The following LSAMP variants were observed in gnomAD, a reference collection of about 807,000 sequenced individuals.
LSAMP encodes limbic system associated membrane protein, also known as limbic system-associated membrane protein.
Under a neutral mutation model 38.6 loss-of-function variants are expected in LSAMP, and 7 were observed. The observed-to-expected ratio is 0.18, with a 90% CI of 0.10 to 0.34. The LOEUF (loss-of-function observed/expected upper bound fraction) is 0.34. Among genes scored for constraint, LSAMP ranks in the 10% least tolerant of loss-of-function variants. The probability of loss-of-function intolerance (pLI) is 1.00; values close to 1 mark genes in which losing one functional copy is unlikely to be tolerated. For synonymous variants in LSAMP, 154 were observed against 166.8 expected, an observed-to-expected ratio of 0.92 and a Z score of 0.59; for missense variants, 313 against 420.0, an observed-to-expected ratio of 0.75 and a Z score of 2.23.
At chr3:115,859,846 T>C (rs1935623154) in intron 3 of LSAMP, among the ~76,000 whole-genome samples, 1 of 152,246 alleles carries the variant, frequency 6.6e-6, no homozygotes, top group Admixed American at 6.5e-5. Context: ...GCATCCTTTT[T>C]TCAGTCCTGG....
chr3:115,939,587 T>TTTCTTTCTTTC (rs1553751096), intron 3 of LSAMP, among the ~76,000 whole-genome samples: 6 of 151,208 alleles, frequency 4.0e-5, no homozygotes, highest in African/African-American at 7.3e-5. Context: ...TTTCTTTCTG[T>TTTCTTTCTTTC]TAAGAGACAG....
At chr3:115,866,390 A>G (rs1469131555) in intron 3 of LSAMP, among the ~76,000 whole-genome samples, 2 of 152,140 alleles carry the variant, frequency 1.3e-5, no homozygotes, top group African/African-American at 4.8e-5. Context: ...TGGTATAATC[A>G]CTAGATTTCC....
At chr3:116,239,237 T>C (rs1039576525) in intron 1 of LSAMP, among the ~76,000 whole-genome samples, 1 of 152,170 alleles carries the variant, frequency 6.6e-6, no homozygotes, top group Non-Finnish European at 1.5e-5. Context: ...CCAATCAGTA[T>C]ATGCTGCTGA....
At chr3:116,031,059 T>C (rs1433950109) in intron 2 of LSAMP, among the ~76,000 whole-genome samples, 1 of 152,146 alleles carries the variant, frequency 6.6e-6, no homozygotes, top group African/African-American at 2.4e-5. Flanking sequence ...ATATTGCCTA[T>C]ATCCCATGAA....
At chr3:116,007,815 G>T (rs915767699) in intron 3 of LSAMP, among the ~76,000 whole-genome samples, 4 of 152,090 alleles carry the variant, frequency 2.6e-5, no homozygotes, top group African/African-American at 7.2e-5. Flanking sequence ...TAGTGCAGGG[G>T]TTCTGTAAGT....
intron 1 of LSAMP, among the ~76,000 whole-genome samples, chr3:116,173,045 C>T (rs1294992797): frequency 2.0e-5 from 3 of 151,946 alleles, no homozygotes; most frequent in South Asian, 2.1e-4. Context: ...ATCTTAAGAT[C>T]GACTTATTTC....
At chr3:116,088,720 T>C (rs945223255) in intron 1 of LSAMP, among the ~76,000 whole-genome samples, 1 of 152,222 alleles carries the variant, frequency 6.6e-6, no homozygotes, top group African/African-American at 2.4e-5. Flanking sequence ...ATTATAGATG[T>C]ATTCTGAATG....
intron 1 of LSAMP, among the ~76,000 whole-genome samples, chr3:116,182,323 C>T (rs115059539): frequency 0.013 from 1,993 of 151,440 alleles, 34 homozygotes; most frequent in African/African-American, 0.039. Context: ...AATTAGTTAC[C>T]TCATTTATTT....
chr3:116,009,132 T>C (rs1940251799), intron 3 of LSAMP, among the ~76,000 whole-genome samples: 2 of 152,204 alleles, frequency 1.3e-5, no homozygotes, highest in African/African-American at 4.8e-5. Flanking sequence ...ATTGTAATAA[T>C]ATTCGGTGAG....
At chr3:115,819,849 T>C (rs1934170427) in intron 6 of LSAMP, among the ~76,000 whole-genome samples, 1 of 152,162 alleles carries the variant, frequency 6.6e-6, no homozygotes, top group African/African-American at 2.4e-5. Context: ...GAATTCTTAT[T>C]TTGGACTCTT....
intron 1 of LSAMP, among the ~76,000 whole-genome samples, chr3:116,235,678 C>G (rs1017872459): frequency 1.3e-5 from 2 of 152,042 alleles, no homozygotes; most frequent in Non-Finnish European, 2.9e-5. Flanking sequence ...ATGAAACTAC[C>G]AGAATAATTA....
intron 3 of LSAMP, among the ~76,000 whole-genome samples, chr3:116,010,528 T>A (rs1455451674): frequency 6.6e-6 from 1 of 152,204 alleles, no homozygotes; most frequent in Non-Finnish European, 1.5e-5. Flanking sequence ...TGATAACTGC[T>A]GAGAGGAAAA....
chr3:116,075,138 A>AT (rs71297430), intron 2 of LSAMP, among the ~76,000 whole-genome samples: 12,308 of 118,230 alleles, frequency 0.1, 1,837 homozygotes, highest in African/African-American at 0.32. Context: ...GCACCCAGCC[A>AT]TTTTTTTTTT....
chr3:116,032,273 G>C (rs1325322889), intron 2 of LSAMP, among the ~76,000 whole-genome samples: 1 of 152,108 alleles, frequency 6.6e-6, no homozygotes, highest in African/African-American at 2.4e-5. Context: ...ACTTTATACA[G>C]TTTGCAAAGC....
chr3:116,390,379 T>C (rs2048677275), intron 1 of LSAMP, among the ~76,000 whole-genome samples: 1 of 152,004 alleles, frequency 6.6e-6, no homozygotes, highest in South Asian at 2.1e-4. Flanking sequence ...ACATAGAAGG[T>C]AAAGCTTGAG....
chr3:116,071,351 C>A (rs1576345469), intron 2 of LSAMP, among the ~76,000 whole-genome samples: 1 of 146,972 alleles, frequency 6.8e-6, no homozygotes, highest in East Asian at 2.0e-4. Context: ...TTTTTTTTAA[C>A]AATTCTTCTT....
At chr3:116,212,617 T>C (rs1007570885) in intron 1 of LSAMP, among the ~76,000 whole-genome samples, 1 of 152,098 alleles carries the variant, frequency 6.6e-6, no homozygotes, top group Non-Finnish European at 1.5e-5. Flanking sequence ...GTTGATTAGA[T>C]ACTAAAAATG....
intron 1 of LSAMP, among the ~76,000 whole-genome samples, chr3:116,423,755 TGAGA>T (rs2049159706): frequency 6.6e-6 from 1 of 152,080 alleles, no homozygotes; most frequent in Non-Finnish European, 1.5e-5. Flanking sequence ...AGAGAGAGAC[TGAGA>T]GAGAGACCAT....
chr3:116,086,307 T>C lies in LSAMP; in HGVS notation c.388+17A>G. On this transcript the variant is annotated intron_variant, in intron 2 of 6. Transcript: ENST00000490035. The stretch of plus-strand genomic sequence containing the variant: ...CCACCTCTTTCTTACCACCCTTCTA[T>C]CCCACACTTTCCTTACCTTGTACGA... 1 of 1,599,220 alleles carries C rather than the reference T, an allele frequency of 6.3e-7. No homozygotes were observed. Among genetic ancestry groups the C allele is most frequent in the South Asian group, 1.1e-5 (1 of 90,734 alleles).
Sources: allele counts gnomAD v4.1 joint callset (sites outside exome capture counted in the v4.1 genomes callset), GRCh38; gene constraint gnomAD v4.1.1; transcripts MANE v1.5; gene names NCBI Gene and HGNC (gene_info 2026-07-23, HGNC 2026-07-21).